IMMP2L: variants seen among roughly 807,000 people sequenced by gnomAD.
The protein encoded by IMMP2L is inner mitochondrial membrane peptidase subunit 2.
Under a neutral mutation model 19.3 loss-of-function variants are expected in IMMP2L, and 18 were observed. The observed-to-expected ratio is 0.93, with a 90% CI of 0.64 to 1.38. The LOEUF is 1.38. Ranked by LOEUF, IMMP2L falls within the 40% of genes most tolerant of loss-of-function variation. IMMP2L has a pLI of 0.00. For synonymous variants in IMMP2L, 76 were observed against 73.0 expected (o/e 1.04, Z -0.21); for missense variants, 233 against 218.2 (o/e 1.07, Z -0.43).
chr7:110,844,467 T>G (rs188956847), intron 5 of IMMP2L, among the ~76,000 whole-genome samples: 171 of 151,994 alleles, frequency 1.1e-3, no homozygotes, highest in Non-Finnish European at 1.7e-3. Flanking sequence ...CAAAAAAAGT[T>G]TAGCAGTTTT....
intron 3 of IMMP2L, among the ~76,000 whole-genome samples, chr7:111,421,381 TG>T (rs1186047405): frequency 6.7e-6 from 1 of 148,418 alleles, no homozygotes; most frequent in Non-Finnish European, 1.5e-5. Flanking sequence ...GCCATTCTCC[TG>T]CCTCAGCCTC....
At position 111,161,026 on chromosome 7, in the gene IMMP2L, C is replaced by T. The variant is rs577061124; in HGVS notation, c.240-197461G>A. On this transcript the variant is annotated intron_variant, in intron 3 of 5. Transcript: ENST00000405709. ...TAGAAATATCTTTATAAAATATAGTCGATCTCAACAAAGAATAAAAATACA... is the reference window on the plus strand; with the variant it reads ...TAGAAATATCTTTATAAAATATAGTTGATCTCAACAAAGAATAAAAATACA... 3.3e-5 allele frequency among the ~76,000 whole-genome samples: 5 copies of T among 151,448 alleles called. No individual in the cohort carries two copies. The South Asian group carries it at 1.0e-3, about 32-fold the overall frequency.
chr7:111,089,977 T>C (rs1464826853), intron 3 of IMMP2L, among the ~76,000 whole-genome samples: 1 of 151,578 alleles, frequency 6.6e-6, no homozygotes, highest in Non-Finnish European at 1.5e-5. Context: ...CCTAAGTAAA[T>C]CTAATAAGTG....
At chr7:111,271,509 A>C (rs1818466478) in intron 3 of IMMP2L, among the ~76,000 whole-genome samples, 1 of 152,198 alleles carries the variant, frequency 6.6e-6, no homozygotes, top group Non-Finnish European at 1.5e-5. Flanking sequence ...TCAGAACCAC[A>C]GGGAAGGCTT....
At chr7:110,748,102 T>C (rs1797478765) in intron 5 of IMMP2L, among the ~76,000 whole-genome samples, 1 of 152,024 alleles carries the variant, frequency 6.6e-6, no homozygotes, top group African/African-American at 2.4e-5. Flanking sequence ...TGTACACCAA[T>C]AACAGACAAA....
intron 3 of IMMP2L, among the ~76,000 whole-genome samples, chr7:110,984,769 G>A (rs2058420): frequency 1.3e-5 from 2 of 151,796 alleles, no homozygotes; most frequent in Non-Finnish European, 2.9e-5. Flanking sequence ...AAGTATGATC[G>A]TGCATCTTAA....
intron 3 of IMMP2L, among the ~76,000 whole-genome samples, chr7:111,269,394 T>C (rs1313587912): frequency 1.3e-5 from 2 of 152,192 alleles, no homozygotes; most frequent in Non-Finnish European, 2.9e-5. Flanking sequence ...AAATCAAGTA[T>C]ATATCATCTT....
At chr7:111,429,109 C>A (rs1483819073) in intron 3 of IMMP2L, among the ~76,000 whole-genome samples, 3 of 151,618 alleles carry the variant, frequency 2.0e-5, no homozygotes, top group African/African-American at 7.3e-5. Flanking sequence ...ACATGCAATC[C>A]TTTTTTCTTC....
At chr7:110,990,371 G>A (rs888548973) in intron 3 of IMMP2L, among the ~76,000 whole-genome samples, 7 of 152,088 alleles carry the variant, frequency 4.6e-5, no homozygotes, top group African/African-American at 1.7e-4. Context: ...ATCTAAATGG[G>A]CCACATTTTA....
intron 3 of IMMP2L, among the ~76,000 whole-genome samples, chr7:111,469,322 C>T (rs938269311): frequency 2.0e-5 from 3 of 152,002 alleles, no homozygotes; most frequent in African/African-American, 4.8e-5. Flanking sequence ...GGGGATGGCA[C>T]TGAATCTATA....
intron 3 of IMMP2L, among the ~76,000 whole-genome samples, chr7:111,468,711 A>G (rs1197896304): frequency 6.6e-6 from 1 of 152,158 alleles, no homozygotes; most frequent in Non-Finnish European, 1.5e-5. Context: ...ATAGTCAAAG[A>G]AGGAGAGATC....
intron 3 of IMMP2L, among the ~76,000 whole-genome samples, chr7:111,220,209 A>C (rs780948123): frequency 6.6e-6 from 1 of 152,110 alleles, no homozygotes; most frequent in Non-Finnish European, 1.5e-5. Context: ...AAAAAATGAA[A>C]TCAGTTTCAA....
intron 3 of IMMP2L, among the ~76,000 whole-genome samples, chr7:111,171,397 C>A (rs926547676): frequency 7.9e-5 from 12 of 151,490 alleles, no homozygotes; most frequent in African/African-American, 2.9e-4. Context: ...AATATTTGAG[C>A]CTCCTAGTTT....
intron 3 of IMMP2L, among the ~76,000 whole-genome samples, chr7:111,451,524 G>T (rs1197460498): frequency 1.9e-4 from 25 of 134,276 alleles, no homozygotes; most frequent in Middle Eastern, 4.1e-3. Flanking sequence ...AGATCACATG[G>T]ACACAGGAAG....
At chr7:111,221,587 T>C (rs1343091126) in intron 3 of IMMP2L, among the ~76,000 whole-genome samples, 1 of 152,002 alleles carries the variant, frequency 6.6e-6, no homozygotes, top group Non-Finnish European at 1.5e-5. Context: ...GGGGAAAATG[T>C]GTATAATCAC....
chr7:111,496,573 A>C (rs975359003), intron 2 of IMMP2L, among the ~76,000 whole-genome samples: 1 of 152,162 alleles, frequency 6.6e-6, no homozygotes, highest in African/African-American at 2.4e-5. Context: ...AACAAGGAAG[A>C]GGAAAGGTAA....
At chr7:111,088,140 A>T (rs1796516773) in intron 3 of IMMP2L, among the ~76,000 whole-genome samples, 1 of 152,186 alleles carries the variant, frequency 6.6e-6, no homozygotes, top group Admixed American at 6.5e-5. Context: ...ACAGGCGAAT[A>T]AAGCCCAGGA....
At chr7:110,925,732 A>T (rs1814775276) in intron 4 of IMMP2L, among the ~76,000 whole-genome samples, 2 of 152,134 alleles carry the variant, frequency 1.3e-5, no homozygotes, top group Non-Finnish European at 2.9e-5. Flanking sequence ...AAAAGAGTAG[A>T]CTGCTCATGT....
chr7:111,194,687 T>C (rs1344383612), intron 3 of IMMP2L, among the ~76,000 whole-genome samples: 1 of 152,194 alleles, frequency 6.6e-6, no homozygotes, highest in Non-Finnish European at 1.5e-5. Flanking sequence ...AATCAATATT[T>C]GTTTCTAAAT....
Sources: allele counts gnomAD v4.1 joint callset (sites outside exome capture counted in the v4.1 genomes callset), GRCh38; gene constraint gnomAD v4.1.1; transcripts MANE v1.5; gene names NCBI Gene and HGNC (gene_info 2026-07-23, HGNC 2026-07-21).